BCKDHB: variants seen among roughly 807,000 people sequenced by gnomAD.
The protein encoded by BCKDHB is 2-oxoisovalerate dehydrogenase subunit beta, mitochondrial.
A neutral mutation model predicts 48.5 loss-of-function variants in BCKDHB; 41 were observed. That is an observed-to-expected ratio of 0.85 (90% CI 0.66 to 1.10). BCKDHB has a LOEUF of 1.10. BCKDHB is among the 50% of genes least tolerant of loss of function. The pLI is 0.00. For missense variants in BCKDHB, 496 were observed against 494.2 expected (o/e 1.00, Z -0.03); for synonymous variants, 201 against 174.8 (o/e 1.15, Z -1.18).
the BCKDHB span, among the ~76,000 whole-genome samples, chr6:80,406,821 A>G: frequency 1.3e-5 from 2 of 152,160 alleles, no homozygotes; most frequent in Non-Finnish European, 2.9e-5. Context: ...GTTCACTCTG[A>G]TGATGGTTTC....
At chr6:80,106,662 G>A (rs1312612667), upstream of BCKDHB, 1 of 1,546,660 alleles carries the variant, frequency 6.5e-7, no homozygotes, top group Non-Finnish European at 8.7e-7. Context: ...GCGTGCGGCT[G>A]CATAGCCTGA....
chr6:80,369,116 T>G, the BCKDHB span, among the ~76,000 whole-genome samples: 3 of 12,348 alleles, frequency 2.4e-4, no homozygotes, highest in Non-Finnish European at 0.022. Context: ...TTTGTATTCT[T>G]TGTTGTAATT....
chr6:80,375,239 T>C, the BCKDHB span, among the ~76,000 whole-genome samples: 1 of 152,232 alleles, frequency 6.6e-6, no homozygotes. Flanking sequence ...TTCCCTTCAA[T>C]ATGTTTTCCA....
the BCKDHB span, among the ~76,000 whole-genome samples, chr6:80,382,509 T>C: frequency 6.6e-6 from 1 of 152,184 alleles, no homozygotes; most frequent in Non-Finnish European, 1.5e-5. Context: ...AGTTAGATGT[T>C]CATTCCTTGG....
At chr6:80,155,855 TTA>T (rs1772017271) in intron 3 of BCKDHB, among the ~76,000 whole-genome samples, 1 of 151,516 alleles carries the variant, frequency 6.6e-6, no homozygotes, top group African/African-American at 2.4e-5. Context: ...TTTTTTTTTT[TTA>T]GGTTTTCTTT....
chr6:80,426,207 G>A, the BCKDHB span, among the ~76,000 whole-genome samples: 5 of 152,204 alleles, frequency 3.3e-5, no homozygotes, highest in African/African-American at 9.6e-5. Flanking sequence ...AATAATGCTC[G>A]TATGAAGATG....
chr6:80,386,695 A>T, the BCKDHB span, among the ~76,000 whole-genome samples: 6 of 152,366 alleles, frequency 3.9e-5, no homozygotes, highest in Non-Finnish European at 7.4e-5. Context: ...TCAGAATAGT[A>T]GGACTTGTGT....
intron 8 of BCKDHB, among the ~76,000 whole-genome samples, chr6:80,204,733 A>G (rs1774559241): frequency 6.6e-6 from 1 of 152,138 alleles, no homozygotes; most frequent in South Asian, 2.1e-4. Flanking sequence ...GTAAAGCACA[A>G]GTATACTAAT....
In BCKDHB at chr6:80,201,046, T is replaced by C. The variant is rs764829376; in HGVS notation, c.840+15T>C. 42 of 1,571,706 alleles carry C rather than the reference T, an allele frequency of 2.7e-5. No homozygotes were observed. Among genetic ancestry groups the C allele is most frequent in the African/African-American group, 4.1e-5 (3 of 73,842 alleles). The stretch of plus-strand genomic sequence containing the variant: ...GGGGCACTCAGGTGAGTAGCATTGA[T>C]CCCAACTGTTAAAACCTACGTTGTG... On this transcript the variant is annotated intron_variant, in intron 7 of 9. Coordinates refer to ENST00000320393, the MANE Select transcript of BCKDHB (RefSeq NM_183050.4).
Position 80,107,516 on chromosome 6 carries a change from TATATATATATATGC to T in BCKDHB, c.196+643_196+656del, listed in dbSNP as rs1562050463. The stretch of plus-strand genomic sequence containing the variant: ...ATATATATGCATATATATGTGCGCA[TATATATATATATGC>T]ATATATATATATGCACACATATATA... On this transcript the variant is annotated intron_variant, in intron 1 of 9. Transcript: ENST00000320393. 6.4e-5 allele frequency among the ~76,000 whole-genome samples: 3 copies of T among 46,574 alleles called. 1 individual carries two copies. The highest frequency in any genetic ancestry group is 1.7e-3 in the South Asian group (2 of 1,170). 30.6% of individuals were successfully genotyped at this position (46,574 alleles called of 152,430 possible).
the BCKDHB span, among the ~76,000 whole-genome samples, chr6:80,397,454 T>TAATATCTTTTCTG: frequency 1.3e-5 from 2 of 152,186 alleles, no homozygotes; most frequent in African/African-American, 2.4e-5. Flanking sequence ...AACAGAGATA[T>TAATATCTTTTCTG]CAAGAGAAAG....
chr6:80,366,068 C>T, the BCKDHB span, among the ~76,000 whole-genome samples: 1 of 152,142 alleles, frequency 6.6e-6, no homozygotes, highest in Non-Finnish European at 1.5e-5. Flanking sequence ...CAATTTTCTG[C>T]AGGCCAATTT....
intron 6 of BCKDHB, among the ~76,000 whole-genome samples, chr6:80,177,961 C>T (rs186465338): frequency 9.2e-5 from 14 of 152,290 alleles, no homozygotes; most frequent in Non-Finnish European, 1.8e-4. Flanking sequence ...CTTATGGTTG[C>T]TGGGCAGAGC....
chr6:80,175,892 C>T (rs973205976), intron 6 of BCKDHB, among the ~76,000 whole-genome samples: 3 of 152,132 alleles, frequency 2.0e-5, no homozygotes, highest in African/African-American at 7.2e-5. Context: ...ATGCTATAAC[C>T]TGAAGTCCAC....
intron 9 of BCKDHB, among the ~76,000 whole-genome samples, chr6:80,275,386 C>G (rs1305402369): frequency 2.0e-5 from 3 of 151,994 alleles, no homozygotes; most frequent in South Asian, 2.1e-4. Context: ...TTCTGTTGTT[C>G]ATGGCAAAAT....
chr6:80,137,500 C>T (rs77965556), intron 3 of BCKDHB, among the ~76,000 whole-genome samples: 5,226 of 152,168 alleles, frequency 0.034, 308 homozygotes, highest in African/African-American at 0.12. Flanking sequence ...GCAGTCCTTC[C>T]GCCTCTCACA....
intron 9 of BCKDHB, among the ~76,000 whole-genome samples, chr6:80,341,550 G>C (rs1353199005): frequency 2.0e-5 from 3 of 152,134 alleles, no homozygotes. Context: ...TTGCATTCTT[G>C]AGGAGTTAGG....
chr6:80,279,370 G>A (rs755001445), intron 9 of BCKDHB, among the ~76,000 whole-genome samples: 2 of 151,948 alleles, frequency 1.3e-5, no homozygotes, highest in Non-Finnish European at 2.9e-5. Flanking sequence ...TGGTCAGGCT[G>A]GTCTCGAACT....
the BCKDHB span, among the ~76,000 whole-genome samples, chr6:80,417,065 C>A: frequency 2.6e-5 from 4 of 151,990 alleles, no homozygotes; most frequent in Non-Finnish European, 5.9e-5. Flanking sequence ...ATTTAAGATA[C>A]TTAGATGATT....
Sources: gnomAD v4.1 joint callset for allele counts (sites outside exome capture counted in the v4.1 genomes callset) on GRCh38, gnomAD v4.1.1 for gene constraint, MANE v1.5 for transcripts, NCBI Gene and HGNC (gene_info 2026-07-23, HGNC 2026-07-21) for gene names.